Variants in CTNNA3 observed in about 807,000 individuals in gnomAD.
CTNNA3 encodes catenin alpha-3.
In CTNNA3, 76 loss-of-function variants were observed where a neutral mutation model predicts 95.7. The ratio of observed to expected loss-of-function variants is 0.79; its 90% confidence interval spans 0.66 to 0.96. The LOEUF is 0.96. CTNNA3 is among the 40% of genes least tolerant of loss of function. CTNNA3 has a pLI of 0.00. For synonymous variants in CTNNA3, 431 were observed against 374.4 expected, an observed-to-expected ratio of 1.15 and a Z score of -1.74; for missense variants, 1,191 against 1,089.8, an observed-to-expected ratio of 1.09 and a Z score of -1.31.
chr10:66,385,219 G>A (rs1359779202), intron 11 of CTNNA3, among the ~76,000 whole-genome samples: 7 of 152,074 alleles, frequency 4.6e-5, no homozygotes, highest in African/African-American at 1.7e-4. Flanking sequence ...AGAAAAGAGA[G>A]AAGAATCAAA....
intron 7 of CTNNA3, 56 bp from the exon 8 acceptor site, chr10:66,775,580 G>C: frequency 8.0e-7 from 1 of 1,256,612 alleles, no homozygotes; most frequent in Non-Finnish European, 1.1e-6. Context: ...TTATCACTTA[G>C]CAATTTGCTT....
intron 17 of CTNNA3, among the ~76,000 whole-genome samples, chr10:65,953,432 A>G (rs2077661413): frequency 6.6e-6 from 1 of 151,432 alleles, no homozygotes; most frequent in Non-Finnish European, 1.5e-5. Flanking sequence ...CATGTGCACA[A>G]TGTGCAGGTT....
intron 14 of CTNNA3, among the ~76,000 whole-genome samples, chr10:66,088,078 T>G (rs1240655098): frequency 2.0e-5 from 3 of 152,176 alleles, no homozygotes; most frequent in Non-Finnish European, 2.9e-5. Flanking sequence ...TATAGATAGC[T>G]ATTTTTTCCT....
intron 15 of CTNNA3, among the ~76,000 whole-genome samples, chr10:66,065,928 A>G (rs1023008764): frequency 2.0e-5 from 3 of 152,048 alleles, no homozygotes; most frequent in African/African-American, 7.2e-5. Flanking sequence ...CAATGGTGCA[A>G]TCTCGGCTCA....
chr10:66,230,633 GGC>G lies in CTNNA3; in HGVS notation c.1884+49835_1884+49836del, dbSNP rs2089539215. ...CTGTGGAGGGGTCAAGATTGCCTGT[GGC>G]GGTGACAGGCTCCTCATGGGACAGT... is the stretch of plus-strand genomic sequence containing the variant. On this transcript the variant is annotated intron_variant, in intron 13 of 17. Transcript: ENST00000433211. 2.6e-5 allele frequency among the ~76,000 whole-genome samples: 4 copies of G among 152,110 alleles called. No individual in the cohort carries two copies. The South Asian group carries it at 8.3e-4, about 32-fold the overall frequency.
At chr10:66,004,435 G>T (rs989647624) in intron 15 of CTNNA3, among the ~76,000 whole-genome samples, 4 of 152,008 alleles carry the variant, frequency 2.6e-5, no homozygotes, top group African/African-American at 9.7e-5. Flanking sequence ...TAGATCTAAG[G>T]GGGGGAATTA....
intron 7 of CTNNA3, among the ~76,000 whole-genome samples, chr10:66,872,703 T>C (rs1844459893): frequency 6.8e-6 from 1 of 146,034 alleles, no homozygotes; most frequent in African/African-American, 2.8e-5. Flanking sequence ...AATTTCAACT[T>C]TTATTTTTGA....
chr10:66,712,043 T>C (rs1321460287), intron 9 of CTNNA3, among the ~76,000 whole-genome samples: 1 of 152,098 alleles, frequency 6.6e-6, no homozygotes, highest in Non-Finnish European at 1.5e-5. Context: ...CAAAAACAAA[T>C]TTTCCTAATG....
chr10:66,237,819 T>G (rs1485776061), intron 13 of CTNNA3, among the ~76,000 whole-genome samples: 1 of 152,126 alleles, frequency 6.6e-6, no homozygotes, highest in Non-Finnish European at 1.5e-5. Flanking sequence ...TCATACAAAG[T>G]CCATATCAAT....
intron 7 of CTNNA3, among the ~76,000 whole-genome samples, chr10:66,893,797 G>T (rs747347708): frequency 5.9e-5 from 9 of 152,076 alleles, no homozygotes; most frequent in Admixed American, 2.0e-4. Context: ...ATTTGTCGTG[G>T]ATACTACCTA....
chr10:66,210,208 T>C (rs1184510897), intron 13 of CTNNA3, among the ~76,000 whole-genome samples: 2 of 151,660 alleles, frequency 1.3e-5, no homozygotes, highest in Non-Finnish European at 2.9e-5. Flanking sequence ...CTGTATCATA[T>C]ATGGGAAGAA....
intron 13 of CTNNA3, among the ~76,000 whole-genome samples, chr10:66,136,895 C>G (rs1162032986): frequency 1.3e-5 from 2 of 151,944 alleles, no homozygotes; most frequent in South Asian, 2.1e-4. Flanking sequence ...GATCTCAGCT[C>G]ACTGCAACCT....
At position 65,920,896 on chromosome 10, in the gene CTNNA3, A is replaced by G. The variant is rs944617358; in HGVS notation, c.2401-279T>C. The stretch of plus-strand genomic sequence containing the variant: ...TATTAATGTCACAATAAGCTGCTCA[A>G]TATTGTCTATGCCCAAACATAAATC... On this transcript the variant is annotated intron_variant, in intron 17 of 17. Transcript: ENST00000433211. Among the ~76,000 whole-genome samples, 132 of 152,318 alleles carry G rather than the reference A, an allele frequency of 8.7e-4. 4 individuals carry two copies. The highest frequency in any genetic ancestry group is 3.7e-4 in the Non-Finnish European group (25 of 68,018).
At chr10:67,624,048 C>A (rs1439664939) in intron 2 of CTNNA3, among the ~76,000 whole-genome samples, 1 of 152,018 alleles carries the variant, frequency 6.6e-6, no homozygotes, top group African/African-American at 2.4e-5. Context: ...TCTCGAACTC[C>A]TGACCTCAGG....
intron 12 of CTNNA3, among the ~76,000 whole-genome samples, chr10:66,339,986 C>T (rs1392989709): frequency 3.3e-5 from 5 of 151,788 alleles, no homozygotes; most frequent in East Asian, 3.9e-4. Flanking sequence ...AGACATCCCT[C>T]ATGCATGATA....
chr10:67,052,128 C>G (rs1046905257), intron 7 of CTNNA3, among the ~76,000 whole-genome samples: 1 of 152,138 alleles, frequency 6.6e-6, no homozygotes, highest in Admixed American at 6.5e-5. Context: ...AAAGAAACCA[C>G]CTTACCTAGT....
intron 15 of CTNNA3, among the ~76,000 whole-genome samples, chr10:66,021,821 T>TAATCTGGA (rs1282662313): frequency 1.4e-5 from 2 of 148,098 alleles, no homozygotes; most frequent in Admixed American, 1.4e-4. Context: ...TTCCCCAGAA[T>TAATCTGGA]AATCTGGAAA....
At chr10:66,645,450 C>A (rs1845674377) in intron 9 of CTNNA3, among the ~76,000 whole-genome samples, 2 of 152,110 alleles carry the variant, frequency 1.3e-5, no homozygotes, top group Non-Finnish European at 2.9e-5. Flanking sequence ...GCTCCAACAC[C>A]ATTTGTGGAA....
chr10:65,973,645 T>C (rs757587724), intron 16 of CTNNA3, among the ~76,000 whole-genome samples: 2 of 152,118 alleles, frequency 1.3e-5, no homozygotes, highest in Non-Finnish European at 2.9e-5. Context: ...AAGCATTGCG[T>C]TGGCATCCAC....
Sources: allele counts gnomAD v4.1 joint callset (sites outside exome capture counted in the v4.1 genomes callset), GRCh38; gene constraint gnomAD v4.1.1; transcripts MANE v1.5; gene names NCBI Gene and HGNC (gene_info 2026-07-23, HGNC 2026-07-21).